The following PCDHGA7 variants were observed in gnomAD, a reference collection of about 807,000 sequenced individuals.
PCDHGA7 encodes the protein protocadherin gamma-A7.
Under a neutral mutation model 58.3 loss-of-function variants are expected in PCDHGA7, and 44 were observed. The observed-to-expected ratio is 0.75, with a 90% CI of 0.59 to 0.97. PCDHGA7 has a LOEUF of 0.97. PCDHGA7 is among the 50% of genes least tolerant of loss of function. PCDHGA7 has a pLI of 0.00. For synonymous variants in PCDHGA7, 516 were observed against 504.2 expected (o/e 1.02, Z -0.31); for missense variants, 1,266 against 1,188.7 (o/e 1.06, Z -0.96).
At chr5:141,492,070 G>T (rs1408035481) in intron 1 of PCDHGA7, 1 of 477,946 alleles carries the variant, frequency 2.1e-6, no homozygotes. Context: ...CCTCCTAGGC[G>T]CCGGCTCCGG....
intron 1 of PCDHGA7, chr5:141,410,671 C>T: frequency 1.3e-6 from 2 of 1,563,260 alleles, no homozygotes; most frequent in Non-Finnish European, 1.7e-6. Context: ...ACTAGTTTCT[C>T]ATATTTTAGG....
chr5:141,485,260 G>C lies in PCDHGA7; in HGVS notation c.2425-9547G>C. ...TTTACCACCTGGGTTACGTTTGTGG[G>C]CAGATCCGCTACCCGGTCCCAGAGG... is the stretch of plus-strand genomic sequence containing the variant. On this transcript the variant is annotated intron_variant, in intron 1 of 3. Transcript: ENST00000518325. The surrounding 1 kb of genome is among the most constrained non-coding windows in gnomAD (Gnocchi z 5.7). 1 of 1,614,122 alleles carries C rather than the reference G, an allele frequency of 6.2e-7. No homozygotes were observed. The highest frequency in any genetic ancestry group is 8.5e-7 in the Non-Finnish European group (1 of 1,179,966).
chr5:141,465,440 A>T (rs1478987071), intron 1 of PCDHGA7, among the ~76,000 whole-genome samples: 1 of 152,194 alleles, frequency 6.6e-6, no homozygotes, highest in Non-Finnish European at 1.5e-5. Flanking sequence ...CTTAATGATT[A>T]CCCAAGAAAA....
intron 1 of PCDHGA7, chr5:141,404,658 C>A: frequency 6.2e-7 from 1 of 1,614,198 alleles, no homozygotes; most frequent in Non-Finnish European, 8.5e-7. Flanking sequence ...GCCCTCCCCA[C>A]TGATGGTTCT....
At chr5:141,429,610 T>C (rs2097228693) in intron 1 of PCDHGA7, among the ~76,000 whole-genome samples, 2 of 152,230 alleles carry the variant, frequency 1.3e-5, no homozygotes, top group African/African-American at 4.8e-5. Flanking sequence ...AACTCAATTT[T>C]ATGTCTGATA....
intron 3 of PCDHGA7, among the ~76,000 whole-genome samples, chr5:141,509,422 G>A (rs1181133903): frequency 3.3e-5 from 5 of 152,136 alleles, no homozygotes; most frequent in Non-Finnish European, 5.9e-5. Flanking sequence ...GCCCCAATGA[G>A]TCAAACTCTT....
At chr5:141,428,307 C>T (rs759382004) in intron 1 of PCDHGA7, 5 of 688,034 alleles carry the variant, frequency 7.3e-6, no homozygotes, top group Non-Finnish European at 5.1e-6. Flanking sequence ...TTTACCTGGT[C>T]GTGGCCTTGG....
Position 141,432,072 on chromosome 5 carries a change from T to C in PCDHGA7, c.2424+46749T>C, listed in dbSNP as rs1236871982. The C allele has an allele frequency of 6.2e-7, 1 of 1,614,178 alleles. No homozygotes were observed. The highest frequency in any genetic ancestry group is 8.5e-7 in the Non-Finnish European group (1 of 1,180,032). On this transcript the variant is annotated intron_variant, in intron 1 of 3. Coordinates refer to ENST00000518325, the MANE Select transcript of PCDHGA7 (RefSeq NM_018920.4). This position sits in a 1 kb window ranked among gnomAD's most constrained non-coding sequence, Gnocchi z 6.0. ...CCGCCCCTATCCACGGAAACTCATA[T>C]CTCGCTGAACGTGGCAGACACCAAC...
At chr5:141,387,829 G>A (rs2091112194) in intron 1 of PCDHGA7, 1 of 1,591,650 alleles carries the variant, frequency 6.3e-7, no homozygotes, top group African/African-American at 1.3e-5. Flanking sequence ...CAATACAGAG[G>A]TTATTTGTAA....
intron 1 of PCDHGA7, chr5:141,427,741 C>T (rs748636652): frequency 8.1e-7 from 1 of 1,240,376 alleles, no homozygotes; most frequent in Non-Finnish European, 1.2e-6. Context: ...GGCCAAGTCT[C>T]CTACTCCATC....
rs1057374827 is a variant in PCDHGA7, at chr5:141,485,503, C to G, written c.2425-9304C>G. 3.1e-6 allele frequency: 5 copies of G among 1,613,978 alleles called. No homozygotes were observed. Among genetic ancestry groups the G allele is most frequent in the Non-Finnish European group, 4.2e-6 (5 of 1,180,016 alleles). On this transcript the variant is annotated intron_variant, in intron 1 of 3. Coordinates refer to ENST00000518325, the MANE Select transcript of PCDHGA7 (RefSeq NM_018920.4). This position sits in a 1 kb window ranked among gnomAD's most constrained non-coding sequence, Gnocchi z 5.7. ...GCATCGTGCCCCTGGAGTTTGTCACCGAAGGTCCTTTGGAAATGTACCGAG... is the reference window on the plus strand; with the variant it reads ...GCATCGTGCCCCTGGAGTTTGTCACGGAAGGTCCTTTGGAAATGTACCGAG...
Position 141,431,755 on chromosome 5 carries a change from AGTCCT to A in PCDHGA7, c.2424+46434_2424+46438del. On this transcript the variant is annotated intron_variant, in intron 1 of 3. Coordinates refer to ENST00000518325, the MANE Select transcript of PCDHGA7 (RefSeq NM_018920.4). This position sits in a 1 kb window ranked among gnomAD's most constrained non-coding sequence, Gnocchi z 4.8. ...ATGCAGGATATTCTGCGCGAGCCAA[AGTCCT>A]GATCACTGTTCTGGACGTGAACGAC... 6.2e-7 allele frequency: 1 copy of A among 1,614,238 alleles called. No individual in the cohort carries two copies. Among genetic ancestry groups the A allele is most frequent in the Non-Finnish European group, 8.5e-7 (1 of 1,180,048 alleles).
chr5:141,460,938 A>G (rs532872249), intron 1 of PCDHGA7, among the ~76,000 whole-genome samples: 38 of 149,918 alleles, frequency 2.5e-4, no homozygotes, highest in African/African-American at 9.1e-4. Context: ...GTGTGTGTAT[A>G]TATATGTATT....
intron 1 of PCDHGA7, chr5:141,430,836 C>T: frequency 6.4e-7 from 1 of 1,558,936 alleles, no homozygotes; most frequent in South Asian, 1.2e-5. Context: ...CTGTGGGAGA[C>T]CGGATGCACC....
chr5:141,504,379 G>A lies in PCDHGA7; in HGVS notation c.2484-1014G>A, dbSNP rs181617363. On this transcript the variant is annotated intron_variant, in intron 2 of 3. Transcript: ENST00000518325. ...GCTTCAGTAGGAAGCAGGTGGAGTC[G>A]CTGCCTCACAGAAGCCAGTGTGGTG... Among the ~76,000 whole-genome samples the A allele has an allele frequency of 2.4e-3, 361 of 152,206 alleles. 1 individual carries two copies. The highest frequency in any genetic ancestry group is 0.021 in the Admixed American group (315 of 15,286).
Position 141,485,597 on chromosome 5 carries a change from A to G in PCDHGA7, c.2425-9210A>G. On this transcript the variant is annotated intron_variant, in intron 1 of 3. Coordinates refer to ENST00000518325, the MANE Select transcript of PCDHGA7 (RefSeq NM_018920.4). This position sits in a 1 kb window ranked among gnomAD's most constrained non-coding sequence, Gnocchi z 5.7. ...TCCGCGGCAGCAGCTGGACTTGGAA[A>G]TTGGGGAGGCAGCTCCTCCAGGACA... The G allele has an allele frequency of 6.2e-7, 1 of 1,612,468 alleles. No homozygotes were observed. The highest frequency in any genetic ancestry group is 8.5e-7 in the Non-Finnish European group (1 of 1,178,718).
chr5:141,390,186 A>G (rs760464699), intron 1 of PCDHGA7: 1 of 1,614,048 alleles, frequency 6.2e-7, no homozygotes, highest in East Asian at 2.2e-5. Flanking sequence ...CCTAAAATGT[A>G]GTGAGCAGTT....
chr5:141,431,976 C>T lies in PCDHGA7; in HGVS notation c.2424+46653C>T, dbSNP rs2097433306. ...TACGGAAATTACTATAGTTTAGTCACAGACATAGTCTTGGATAGGGAACAG... is the reference window on the plus strand; with the variant it reads ...TACGGAAATTACTATAGTTTAGTCATAGACATAGTCTTGGATAGGGAACAG... On this transcript the variant is annotated intron_variant, in intron 1 of 3. Transcript: ENST00000518325. This position sits in a 1 kb window ranked among gnomAD's most constrained non-coding sequence, Gnocchi z 4.8. 6.2e-7 allele frequency: 1 copy of T among 1,614,078 alleles called. No individual in the cohort carries two copies. The highest frequency in any genetic ancestry group is 1.3e-5 in the African/African-American group (1 of 74,934).
Position 141,432,916 on chromosome 5 carries a change from G to A in PCDHGA7, c.2424+47593G>A, listed in dbSNP as rs1303459899. ...TGCTGGCGCTCAGGCTGCGGCGCTG[G>A]CACAAGTCACGCCTGCTGCAGGCTT... is the stretch of plus-strand genomic sequence containing the variant. On this transcript the variant is annotated intron_variant, in intron 1 of 3. Transcript: ENST00000518325. This position sits in a 1 kb window ranked among gnomAD's most constrained non-coding sequence, Gnocchi z 6.0. 1.2e-6 allele frequency: 2 copies of A among 1,614,078 alleles called. No individual in the cohort carries two copies. The highest frequency in any genetic ancestry group is 1.7e-6 in the Non-Finnish European group (2 of 1,180,048).
Sources: gnomAD v4.1 joint callset for allele counts (sites outside exome capture counted in the v4.1 genomes callset) on GRCh38, gnomAD v4.1.1 for gene constraint, Gnocchi (gnomAD v3.1) non-coding constraint, MANE v1.5 for transcripts, NCBI Gene and HGNC (gene_info 2026-07-23, HGNC 2026-07-21) for gene names.